SMIM27: variants seen among roughly 807,000 people sequenced by gnomAD.
SMIM27 encodes TOPORS antisense RNA 1 (non-protein coding).
Under a neutral mutation model 1.8 loss-of-function variants are expected in SMIM27, and 3 were observed. That is an observed-to-expected ratio of 1.65 (90% confidence interval 0.75 to 4.28). The LOEUF (loss-of-function observed/expected upper bound fraction) is 4.28. SMIM27 is among the 30% of genes most tolerant of loss of function. The pLI, the probability that SMIM27 is intolerant of heterozygous loss-of-function variation, is 0.02. For synonymous variants in SMIM27, 19 were observed against 13.9 expected (o/e 1.37, Z -0.82); for missense variants, 63 against 37.0 (o/e 1.70, Z -1.83).
intron 1 of SMIM27, among the ~76,000 whole-genome samples, chr9:32,558,028 A>G (rs1485953579): frequency 6.6e-6 from 1 of 152,242 alleles, no homozygotes; most frequent in Non-Finnish European, 1.5e-5. Flanking sequence ...ACAAACAGCT[A>G]GTAAATACCA....
At chr9:32,565,835 G>A (rs867561395) in intron 1 of SMIM27, among the ~76,000 whole-genome samples, 7 of 152,122 alleles carry the variant, frequency 4.6e-5, no homozygotes, top group Admixed American at 6.5e-5. Flanking sequence ...AGCCAGGCAT[G>A]GTGGCACATA....
At chr9:32,553,335 C>G (rs1441299943), downstream of SMIM27, 2 of 168,968 alleles carry the variant, frequency 1.2e-5, no homozygotes, top group Admixed American at 1.2e-4. Context: ...ACTACAGGAG[C>G]CCGCCACCAC....
chr9:32,564,538 T>C (rs1821723533), intron 1 of SMIM27, among the ~76,000 whole-genome samples: 1 of 151,986 alleles, frequency 6.6e-6, no homozygotes, highest in Non-Finnish European at 1.5e-5. Flanking sequence ...CATTATAACA[T>C]GTCATTAAAT....
At chr9:32,562,264 T>G (rs1821647409) in intron 1 of SMIM27, among the ~76,000 whole-genome samples, 1 of 152,248 alleles carries the variant, frequency 6.6e-6, no homozygotes, top group Non-Finnish European at 1.5e-5. Flanking sequence ...GTCTTGTATA[T>G]TCTTTCTATA....
At chr9:32,556,502 G>C (rs778013301), downstream of SMIM27, among the ~76,000 whole-genome samples, 1 of 152,198 alleles carries the variant, frequency 6.6e-6, no homozygotes, top group Admixed American at 6.5e-5. Context: ...TTGAGATTTG[G>C]AAGTTTGTTA....
At chr9:32,557,333 T>A (rs1345792996), downstream of SMIM27, among the ~76,000 whole-genome samples, 4 of 97,474 alleles carry the variant, frequency 4.1e-5, no homozygotes, top group Non-Finnish European at 9.5e-5. Flanking sequence ...CTGGCTAATT[T>A]TTGTATTTTT....
At position 32,552,379 on chromosome 9, in the gene SMIM27, T is replaced by C. The variant is rs1483556230; in HGVS notation, c.-56T>C. On this transcript the variant is annotated 5_prime_UTR_variant, in exon 1 of 2. Transcript: ENST00000692500. ...GCCTGGCAGCCACCGCCTGGGAGGT[T>C]ACTGTAAGGCCCGCAGCTCCCGCCA... 6.2e-7 allele frequency: 1 copy of C among 1,603,244 alleles called. No individual in the cohort carries two copies. Among genetic ancestry groups the C allele is most frequent in the Admixed American group, 1.7e-5 (1 of 58,636 alleles).
At chr9:32,563,400 G>A (rs1158176475) in intron 1 of SMIM27, among the ~76,000 whole-genome samples, 2 of 151,234 alleles carry the variant, frequency 1.3e-5, no homozygotes, top group Non-Finnish European at 2.9e-5. Context: ...GGAGTACAGT[G>A]GGCAGCACAA....
chr9:32,561,047 T>A (rs1587641880), intron 1 of SMIM27, among the ~76,000 whole-genome samples: 1 of 152,322 alleles, frequency 6.6e-6, no homozygotes, highest in Admixed American at 6.5e-5. Flanking sequence ...AACAGATGTA[T>A]AATGAAATGA....
chr9:32,563,794 A>G (rs945277257), intron 1 of SMIM27, among the ~76,000 whole-genome samples: 1 of 152,098 alleles, frequency 6.6e-6, no homozygotes, highest in Non-Finnish European at 1.5e-5. Flanking sequence ...ATGGATTTTC[A>G]TTTTATTCAG....
chr9:32,554,603 C>T (rs1459730600), downstream of SMIM27, among the ~76,000 whole-genome samples: 1 of 152,156 alleles, frequency 6.6e-6, no homozygotes, highest in African/African-American at 2.4e-5. Flanking sequence ...TAGAATTGTC[C>T]CCATACCCAC....
chr9:32,566,247 G>A (rs1821786075), intron 1 of SMIM27: 1 of 1,007,366 alleles, frequency 9.9e-7, no homozygotes. Context: ...TTTTCTTATG[G>A]CAGACAACAC....
intron 1 of SMIM27, among the ~76,000 whole-genome samples, chr9:32,564,517 A>T (rs539103579): frequency 4.2e-4 from 59 of 140,434 alleles, no homozygotes; most frequent in Admixed American, 6.8e-4. Flanking sequence ...ACACTTTTTT[A>T]AAAAAAAGTA....
intron 1 of SMIM27, among the ~76,000 whole-genome samples, chr9:32,562,862 T>G (rs1466073518): frequency 5.3e-5 from 8 of 152,236 alleles, no homozygotes; most frequent in Admixed American, 5.2e-4. Flanking sequence ...TTTAAAATTC[T>G]GACTGCCAAC....
intron 1 of SMIM27, among the ~76,000 whole-genome samples, chr9:32,560,106 A>C (rs1213605299): frequency 6.6e-6 from 1 of 152,234 alleles, no homozygotes; most frequent in African/African-American, 2.4e-5. Context: ...AAGTCATCTG[A>C]GAGATGCAGA....
upstream of SMIM27, chr9:32,551,291 ACT>A (rs1821252457): frequency 1.4e-5 from 7 of 496,688 alleles, no homozygotes; most frequent in Admixed American, 1.3e-4. Flanking sequence ...ACCTTACCAA[ACT>A]CTGCGGAAAC....
upstream of SMIM27, chr9:32,551,158 C>G (rs1417416046): frequency 1.0e-5 from 7 of 694,910 alleles, no homozygotes; most frequent in Non-Finnish European, 1.7e-5. Flanking sequence ...CCGCTCCAGA[C>G]CCCGGAGGAG....
At chr9:32,566,070 C>CAAA in intron 1 of SMIM27, 3 of 340,068 alleles carry the variant, frequency 8.8e-6, no homozygotes, top group East Asian at 9.4e-5. Context: ...CTGGAGTGAC[C>CAAA]AAAAAAAAAA....
rs1393683630 is a variant in SMIM27 at position 32,552,961 on chromosome 9, C to T, written c.*38C>T. 2 of 682,552 alleles carry T rather than the reference C, an allele frequency of 2.9e-6. No homozygotes were observed. Among genetic ancestry groups the T allele is most frequent in the South Asian group, 1.6e-5 (1 of 64,384 alleles). 42.3% of individuals were successfully genotyped at this position (682,552 alleles called of 1,614,324 possible). The stretch of plus-strand genomic sequence containing the variant: ...TAATTATCTGAAAATACAGTTCTTT[C>T]CCTCATGCTTATGTAGATATAAAAA... On this transcript the variant is annotated 3_prime_UTR_variant, in exon 2 of 2. Coordinates refer to ENST00000692500, the MANE Select transcript of SMIM27 (RefSeq NM_001387564.1).
Sources: allele counts gnomAD v4.1 joint callset (sites outside exome capture counted in the v4.1 genomes callset), GRCh38; gene constraint gnomAD v4.1.1; transcripts MANE v1.5; gene names NCBI Gene and HGNC (gene_info 2026-07-23, HGNC 2026-07-21).